The following LRRC72 variants were observed in gnomAD, a reference collection of about 807,000 sequenced individuals.
The protein encoded by LRRC72 is leucine-rich repeat-containing protein 72.
A neutral mutation model predicts 35.8 loss-of-function variants in LRRC72; 41 were observed. The observed-to-expected ratio is 1.15, with a 90% confidence interval of 0.89 to 1.49. The LOEUF is 1.49. Ranked by LOEUF, LRRC72 falls within the 40% of genes most tolerant of loss-of-function variation. The pLI is 0.00. For synonymous variants in LRRC72, 118 were observed against 119.2 expected (o/e 0.99, Z 0.07); for missense variants, 389 against 330.7 (o/e 1.18, Z -1.37).
At chr7:16,571,347 A>G (rs1362988564) in intron 7 of LRRC72, among the ~76,000 whole-genome samples, 1 of 152,160 alleles carries the variant, frequency 6.6e-6, no homozygotes, top group African/African-American at 2.4e-5. Flanking sequence ...GCCAACCAGC[A>G]TTAACATCAA....
Position 16,544,376 on chromosome 7 carries a change from G to T in LRRC72, c.234+6680G>T, listed in dbSNP as rs535723332. Among the ~76,000 whole-genome samples the T allele has an allele frequency of 1.3e-3, 198 of 152,134 alleles. 1 individual carries two copies. Among genetic ancestry groups the T allele is most frequent in the African/African-American group, 4.6e-3 (190 of 41,498 alleles). On this transcript the variant is annotated intron_variant, in intron 3 of 8. Coordinates refer to ENST00000401542, the MANE Select transcript of LRRC72 (RefSeq NM_001195280.2). ...TAGTTCTTTCATTATGCTCTGTGAG[G>T]GCTTGTTTAGCTTCATATTGCATAG...
intron 7 of LRRC72, among the ~76,000 whole-genome samples, chr7:16,569,379 C>T (rs1402905276): frequency 6.6e-6 from 1 of 151,948 alleles, no homozygotes; most frequent in Non-Finnish European, 1.5e-5. Flanking sequence ...TGAGCCATTG[C>T]ACTCTAGCCT....
At chr7:16,579,354 T>C (rs547195969) in intron 7 of LRRC72, among the ~76,000 whole-genome samples, 13 of 152,174 alleles carry the variant, frequency 8.5e-5, no homozygotes, top group Non-Finnish European at 1.8e-4. Context: ...AAGGGAATAA[T>C]GCTATGAATT....
At chr7:16,539,552 C>A (rs542930694) in intron 3 of LRRC72, among the ~76,000 whole-genome samples, 1 of 152,212 alleles carries the variant, frequency 6.6e-6, no homozygotes, top group Non-Finnish European at 1.5e-5. Context: ...TTCAAGCCAG[C>A]CGCAGAAATT....
At chr7:16,528,435 T>A (rs1782110197) in intron 1 of LRRC72, among the ~76,000 whole-genome samples, 1 of 152,154 alleles carries the variant, frequency 6.6e-6, no homozygotes, top group African/African-American at 2.4e-5. Context: ...CTCAGCTGCA[T>A]CTGTCTTCCC....
At chr7:16,544,653 A>G (rs1055622452) in intron 3 of LRRC72, among the ~76,000 whole-genome samples, 2 of 152,248 alleles carry the variant, frequency 1.3e-5, no homozygotes, top group Non-Finnish European at 2.9e-5. Context: ...TGGCACATAC[A>G]TATAATCTTC....
intron 7 of LRRC72, among the ~76,000 whole-genome samples, chr7:16,569,232 A>G (rs1289525857): frequency 6.6e-6 from 1 of 152,082 alleles, no homozygotes; most frequent in Non-Finnish European, 1.5e-5. Flanking sequence ...GTTTAAGACC[A>G]GCCTGACCAA....
chr7:16,542,064 G>T (rs1487468439), intron 3 of LRRC72, among the ~76,000 whole-genome samples: 1 of 152,208 alleles, frequency 6.6e-6, no homozygotes, highest in Non-Finnish European at 1.5e-5. Context: ...TTTACTGTGT[G>T]TTCCCATGGT....
chr7:16,558,768 A>G lies in LRRC72; in HGVS notation c.317-121A>G, dbSNP rs187533482. On this transcript the variant is annotated intron_variant, in intron 4 of 8. Transcript: ENST00000401542. ...GTTATTCCTTCTTTAACCAGCTATC[A>G]TATGTTTTCCTTTTTAGTTAGCATG... 715 of 389,196 alleles carry G rather than the reference A, an allele frequency of 1.8e-3. 3 individuals carry two copies. Among genetic ancestry groups the G allele is most frequent in the Admixed American group, 4.4e-3 (98 of 22,394 alleles). The allele number at this position is 389,196 out of a possible 1,614,324, so 24.1% of individuals were successfully genotyped here.
At chr7:16,544,837 G>C (rs1583639766) in intron 3 of LRRC72, among the ~76,000 whole-genome samples, 1 of 152,302 alleles carries the variant, frequency 6.6e-6, no homozygotes, top group East Asian at 1.9e-4. Context: ...CACCAAGCAA[G>C]TATTCAAAAT....
intron 2 of LRRC72, chr7:16,537,157 CTCTTGG>C (rs1266517848): frequency 3.3e-5 from 5 of 153,084 alleles, no homozygotes; most frequent in Admixed American, 1.3e-4. Flanking sequence ...CAGTGTCTGT[CTCTTGG>C]TGTCCTGCAA....
intron 5 of LRRC72, among the ~76,000 whole-genome samples, chr7:16,564,482 T>G (rs1782793097): frequency 6.6e-6 from 1 of 152,036 alleles, no homozygotes; most frequent in African/African-American, 2.4e-5. Context: ...AGAATAAAAT[T>G]CAGACCATTT....
At chr7:16,570,689 G>A (rs949680871) in intron 7 of LRRC72, among the ~76,000 whole-genome samples, 1 of 151,784 alleles carries the variant, frequency 6.6e-6, no homozygotes, top group Non-Finnish European at 1.5e-5. Context: ...GTTTGGTGGC[G>A]AGCACCTGTA....
rs1460999295 is a variant in LRRC72 at position 16,527,021 on chromosome 7, T to C, written c.69T>C (p.Thr23=). ...RCWRLRRASE[T]ALQSSRRAVE... is the part of the protein sequence containing the mutation. ...GGCGCCTACGGAGGGCATCCGAAAC[T>C]GCCCTACAGAGCAGTCGCCGGGTAA... The change falls in exon 1 of 9, where the codon ACT becomes ACC. Residue 23 remains threonine (T), a synonymous_variant. Coordinates refer to ENST00000401542, the MANE Select transcript of LRRC72 (RefSeq NM_001195280.2). The C allele has an allele frequency of 1.9e-6, 3 of 1,538,960 alleles. No individual in the cohort carries two copies. In the African/African-American group the frequency reaches 4.1e-5, roughly 21 times the overall value.
At chr7:16,551,508 G>A (rs59435054) in intron 3 of LRRC72, among the ~76,000 whole-genome samples, 5 of 152,218 alleles carry the variant, frequency 3.3e-5, no homozygotes, top group South Asian at 2.1e-4. Context: ...TCTGCTTCCT[G>A]GAAGCCCTAC....
chr7:16,568,472 T>C (rs1782888023), intron 7 of LRRC72, among the ~76,000 whole-genome samples: 1 of 152,028 alleles, frequency 6.6e-6, no homozygotes, highest in Non-Finnish European at 1.5e-5. Context: ...AAGATATGAA[T>C]TAGATATTGA....
In LRRC72 at chr7:16,581,241, A is replaced by T. The variant is rs185538294; in HGVS notation, c.699-83A>T. On this transcript the variant is annotated intron_variant, in intron 8 of 8. Transcript: ENST00000401542. ...AATAACACAGAAAAACATGGCATTG[A>T]TTCATTTGAATAAAAATTTCATTTT... is the stretch of plus-strand genomic sequence containing the variant. 1.5e-5 allele frequency: 18 copies of T among 1,228,048 alleles called. No individual in the cohort carries two copies. In the South Asian group the frequency reaches 3.1e-4, roughly 21 times the overall value. The allele number at this position is 1,228,048 out of a possible 1,614,324, so 76.1% of individuals were successfully genotyped here.
At chr7:16,580,436 A>T (rs951817695) in intron 8 of LRRC72, among the ~76,000 whole-genome samples, 2 of 152,176 alleles carry the variant, frequency 1.3e-5, no homozygotes, top group African/African-American at 2.4e-5. Context: ...TCAGGTCAGG[A>T]GTTCGAGACC....
At chr7:16,557,478 C>A in intron 4 of LRRC72, 37 bp downstream of exon 4, 1 of 826,692 alleles carries the variant, frequency 1.2e-6, no homozygotes, top group Non-Finnish European at 1.7e-6. Flanking sequence ...AATAAATTTT[C>A]AATTAAGTAA....
Sources: gnomAD v4.1 joint callset for allele counts (sites outside exome capture counted in the v4.1 genomes callset) on GRCh38, gnomAD v4.1.1 for gene constraint, MANE v1.5 for transcripts, NCBI Gene and HGNC (gene_info 2026-07-23, HGNC 2026-07-21) for gene names.